Variants in VGLL3 observed in about 807,000 individuals in gnomAD.
VGLL3 encodes vestigial like family member 3, also known as transcription cofactor vestigial-like protein 3.
A neutral mutation model predicts 29.2 loss-of-function variants in VGLL3; 18 were observed. The observed-to-expected ratio is 0.62, with a 90% confidence interval of 0.43 to 0.91. The LOEUF is 0.91. VGLL3 is among the 40% of genes least tolerant of loss of function. VGLL3 has a pLI of 0.00. For synonymous variants in VGLL3, 180 were observed against 151.8 expected (o/e 1.19, Z -1.36); for missense variants, 440 against 413.2 (o/e 1.06, Z -0.56).
rs746617120 is a variant in VGLL3, at chr3:86,978,826, A to T, written c.127-24T>A. 6 of 1,563,692 alleles carry T rather than the reference A, an allele frequency of 3.8e-6. No homozygotes were observed. The South Asian group carries it at 6.1e-5, about 16-fold the overall frequency. The stretch of plus-strand genomic sequence containing the variant: ...TTCTGGGATGGAATAAACAAAACAC[A>T]GTATCAAAGACAGTTTGTAGAAAAG... On this transcript the variant is annotated intron_variant, in intron 1 of 3. Coordinates refer to ENST00000398399, the MANE Select transcript of VGLL3 (RefSeq NM_016206.4).
chr3:86,968,648 T>C lies in VGLL3; in HGVS notation c.879A>G (p.Ala293=). The change falls in exon 3 of 4, where the codon GCA becomes GCG. Residue 293 remains alanine (A), a synonymous_variant. Coordinates refer to ENST00000398399, the MANE Select transcript of VGLL3 (RefSeq NM_016206.4). Reference sequence around the variant, plus strand: ...CTGTTCCATGAAAGGCTCCAGCCCATGCTGAGGTAGCAGAGGTGACTGTAG... The same window carrying C: ...CTGTTCCATGAAAGGCTCCAGCCCACGCTGAGGTAGCAGAGGTGACTGTAG... ...EPTTVTSATS[A]WAGAFHGTVD... is the part of the protein sequence containing the mutation. 1 of 1,614,224 alleles carries C rather than the reference T, an allele frequency of 6.2e-7. No homozygotes were observed. Among genetic ancestry groups the C allele is most frequent in the Non-Finnish European group, 8.5e-7 (1 of 1,180,042 alleles).
At position 86,939,743 on chromosome 3, in the gene VGLL3, G is replaced by A. The variant is rs1464404304; in HGVS notation, c.*7281C>T. 1 of 152,274 alleles carries A rather than the reference G, an allele frequency of 6.6e-6. No homozygotes were observed. Among genetic ancestry groups the A allele is most frequent in the Non-Finnish European group, 1.5e-5 (1 of 68,110 alleles). 9.4% of individuals were successfully genotyped at this position (152,274 alleles called of 1,614,324 possible). ...ATCACATGAGTCCTTAAATATGTAA[G>A]GGAGAGGAAGAAGAGGAAGTCAGTG... is the stretch of plus-strand genomic sequence containing the variant. On this transcript the variant is annotated 3_prime_UTR_variant, in exon 4 of 4. Coordinates refer to ENST00000398399, the MANE Select transcript of VGLL3 (RefSeq NM_016206.4).
At chr3:86,990,291 T>C (rs944202059) in intron 1 of VGLL3, 16 of 984,644 alleles carry the variant, frequency 1.6e-5, no homozygotes, top group Non-Finnish European at 1.3e-5. Context: ...TGAAAGGAAG[T>C]TTACTCACAT....
intron 3 of VGLL3, among the ~76,000 whole-genome samples, chr3:86,958,919 A>G (rs145040543): frequency 1.3e-5 from 2 of 152,326 alleles, no homozygotes; most frequent in East Asian, 3.9e-4. Context: ...GACATATGCC[A>G]GAGAAAAAGA....
intron 1 of VGLL3, chr3:86,990,380 G>A: frequency 1.0e-6 from 1 of 985,350 alleles, no homozygotes; most frequent in Non-Finnish European, 1.2e-6. Context: ...AGCAGCCTCT[G>A]AGCTCCGGTG....
chr3:86,966,492 AG>A (rs1176048242), intron 3 of VGLL3, among the ~76,000 whole-genome samples: 3 of 151,962 alleles, frequency 2.0e-5, no homozygotes, highest in Non-Finnish European at 2.9e-5. Context: ...ATGCTGACAA[AG>A]GGCAGCATGC....
At chr3:86,970,057 G>GA (rs1031667700) in intron 2 of VGLL3, among the ~76,000 whole-genome samples, 3 of 152,184 alleles carry the variant, frequency 2.0e-5, no homozygotes, top group Non-Finnish European at 2.9e-5. Context: ...CTATGGAAAT[G>GA]ATGAGTGGAG....
Position 86,969,006 on chromosome 3 carries a change from C to G in VGLL3, c.521G>C (p.Gly174Ala). ...GGVHPDFQVT[G>A]PPGTFSAADP... ...AGCTGCAGAAAAGGTGCCAGGGGGT[C>G]CAGTGACCTGGAAGTCAGGATGAAC... Residue 174 changes from glycine (G) to alanine (A), a missense_variant, in exon 3 of 4, where the codon GGA (glycine) becomes GCA (alanine). Transcript: ENST00000398399. The G allele has an allele frequency of 6.2e-7, 1 of 1,613,930 alleles. No individual in the cohort carries two copies. The highest frequency in any genetic ancestry group is 8.5e-7 in the Non-Finnish European group (1 of 1,179,992).
At chr3:86,962,461 C>T (rs1055978194) in intron 3 of VGLL3, 18 of 985,270 alleles carry the variant, frequency 1.8e-5, no homozygotes, top group Non-Finnish European at 2.2e-5. Context: ...GACCACCTTA[C>T]TTCATTCCTA....
chr3:86,971,990 T>C (rs559939734), intron 2 of VGLL3, among the ~76,000 whole-genome samples: 4 of 152,132 alleles, frequency 2.6e-5, no homozygotes, highest in East Asian at 1.9e-4. Context: ...GCCAGAGATA[T>C]AGAATTCCCC....
chr3:86,973,077 AC>A (rs1199069174), intron 2 of VGLL3, among the ~76,000 whole-genome samples: 1 of 152,092 alleles, frequency 6.6e-6, no homozygotes, highest in Non-Finnish European at 1.5e-5. Flanking sequence ...AAAAAAACAC[AC>A]ACACACACAC....
At chr3:86,964,147 T>C (rs149212306) in intron 3 of VGLL3, among the ~76,000 whole-genome samples, 103 of 152,272 alleles carry the variant, frequency 6.8e-4, no homozygotes, top group African/African-American at 2.3e-3. Context: ...GTGAGAAATA[T>C]ATAAAACTCA....
At chr3:86,990,513 C>T in intron 1 of VGLL3, 105 bp downstream of exon 1, 1 of 1,290,536 alleles carries the variant, frequency 7.7e-7, no homozygotes, top group Non-Finnish European at 9.9e-7. Flanking sequence ...GATCCCAGAG[C>T]ATCCTCTGCG....
chr3:86,978,671 A>G lies in VGLL3; in HGVS notation c.258T>C (p.Ser86=), dbSNP rs747294460. The G allele has an allele frequency of 6.2e-7, 1 of 1,614,142 alleles. No individual in the cohort carries two copies. Among genetic ancestry groups the G allele is most frequent in the Non-Finnish European group, 8.5e-7 (1 of 1,180,026 alleles). Residue 86 remains serine (S), a synonymous_variant, in exon 2 of 4, where the codon TCT becomes TCC. Transcript: ENST00000398399. ...GGAAATAAGTGAAAAGGACACAGCG[A>G]GAGTTAAGGTACTCCATCTCGGCAG... ...DQPAEMEYLN[S]RCVLFTYFQG...
intron 3 of VGLL3, among the ~76,000 whole-genome samples, chr3:86,951,399 T>C (rs1704614537): frequency 6.6e-6 from 1 of 152,192 alleles, no homozygotes; most frequent in African/African-American, 2.4e-5. Flanking sequence ...AGATCTCTTT[T>C]ATAAGGGCAT....
intron 3 of VGLL3, among the ~76,000 whole-genome samples, chr3:86,952,928 A>G (rs753273210): frequency 5.2e-4 from 79 of 152,266 alleles, no homozygotes; most frequent in Non-Finnish European, 9.9e-4. Context: ...TGATCATACA[A>G]TTGCATTTGT....
At chr3:86,961,965 C>A (rs927152082) in intron 3 of VGLL3, 3 of 981,842 alleles carry the variant, frequency 3.1e-6, no homozygotes, top group Non-Finnish European at 3.6e-6. Flanking sequence ...CTATAGGGAA[C>A]TGTGATCTCT....
chr3:86,962,380 T>C (rs1704870178), intron 3 of VGLL3: 1 of 985,194 alleles, frequency 1.0e-6, no homozygotes, highest in Non-Finnish European at 1.2e-6. Flanking sequence ...CCTCACAGTA[T>C]GGATCCTTTT....
At chr3:86,956,868 T>C (rs1441115609) in intron 3 of VGLL3, among the ~76,000 whole-genome samples, 6 of 151,448 alleles carry the variant, frequency 4.0e-5, no homozygotes, top group Non-Finnish European at 8.8e-5. Context: ...TAGTAATTTA[T>C]ATGGCAAAGG....
Sources: allele counts gnomAD v4.1 joint callset (sites outside exome capture counted in the v4.1 genomes callset), GRCh38; gene constraint gnomAD v4.1.1; transcripts MANE v1.5; gene names NCBI Gene and HGNC (gene_info 2026-07-23, HGNC 2026-07-21).